Variants in C10orf67 observed in about 807,000 individuals in gnomAD.
C10orf67 encodes the protein chromosome 10 open reading frame 67.
A neutral mutation model predicts 35.6 loss-of-function variants in C10orf67; 60 were observed. The observed-to-expected ratio is 1.68, with a 90% CI of 1.37 to 2.09. C10orf67 has a LOEUF of 2.09. Among genes scored for constraint, C10orf67 ranks in the 30% most tolerant of loss-of-function variants. The pLI is 0.00. For missense variants in C10orf67, 474 were observed against 330.2 expected, an observed-to-expected ratio of 1.44 and a Z score of -3.38; for synonymous variants, 167 against 115.8, an observed-to-expected ratio of 1.44 and a Z score of -2.84.
chr10:23,212,823 G>C (rs907750278), intron 15 of C10orf67, among the ~76,000 whole-genome samples: 1 of 141,514 alleles, frequency 7.1e-6, no homozygotes, highest in Non-Finnish European at 1.5e-5. Flanking sequence ...GAGAGAGAGA[G>C]ACGTAAGCAT....
intron 10 of C10orf67, among the ~76,000 whole-genome samples, chr10:23,261,095 G>T (rs1842735743): frequency 6.6e-6 from 1 of 152,138 alleles, no homozygotes; most frequent in Admixed American, 6.5e-5. Flanking sequence ...TTCAGCCATT[G>T]GATTAACTGG....
chr10:23,224,035 AT>A (rs1841662760), intron 13 of C10orf67, among the ~76,000 whole-genome samples: 1 of 152,058 alleles, frequency 6.6e-6, no homozygotes, highest in South Asian at 2.1e-4. Flanking sequence ...TAAGAAAACG[AT>A]TTTCCTTAGT....
At chr10:23,304,723 C>T (rs1844208612) in intron 4 of C10orf67, among the ~76,000 whole-genome samples, 1 of 152,134 alleles carries the variant, frequency 6.6e-6, no homozygotes, top group African/African-American at 2.4e-5. Flanking sequence ...CAGGTACCAA[C>T]TCAGTAACCC....
intron 15 of C10orf67, among the ~76,000 whole-genome samples, chr10:23,221,859 A>C (rs1415409847): frequency 6.6e-6 from 1 of 152,200 alleles, no homozygotes; most frequent in African/African-American, 2.4e-5. Context: ...ATTAATAAGA[A>C]ATTTTTGTTA....
At chr10:23,303,895 G>A (rs975503068) in intron 4 of C10orf67, among the ~76,000 whole-genome samples, 1 of 152,212 alleles carries the variant, frequency 6.6e-6, no homozygotes, top group Non-Finnish European at 1.5e-5. Flanking sequence ...AGACTGAGGA[G>A]GGCTGTTTTG....
At chr10:23,335,886 C>T (rs976302498) in intron 1 of C10orf67, among the ~76,000 whole-genome samples, 8 of 152,156 alleles carry the variant, frequency 5.3e-5, no homozygotes, top group African/African-American at 1.9e-4. Context: ...TACCCTCAGC[C>T]TAGGATTAAG....
chr10:23,255,856 A>T (rs1842587025), intron 10 of C10orf67, among the ~76,000 whole-genome samples: 1 of 152,194 alleles, frequency 6.6e-6, no homozygotes. Flanking sequence ...CATCCTGTTG[A>T]CATAAAAATC....
In C10orf67 at chr10:23,266,322, T is replaced by G; in HGVS notation, c.1140A>C (p.Ser380=). ...LRPHSATMSV[S]SAGAQKAKMP... ...TTTTAGCTTTCTGGGCCCCAGCAGA[T>G]GATACACTCATGGTCGCAGAATGTG... The change falls in exon 10 of 16, where the codon TCA becomes TCC. Residue 380 remains serine, a synonymous_variant. Coordinates refer to ENST00000636213, the MANE Select transcript of C10orf67 (RefSeq NM_001371909.1). 1 of 398,670 alleles carries G rather than the reference T, an allele frequency of 2.5e-6. No individual in the cohort carries two copies. Among genetic ancestry groups the G allele is most frequent in the Non-Finnish European group, 4.4e-6 (1 of 226,116 alleles). 24.7% of individuals were successfully genotyped at this position (398,670 alleles called of 1,614,324 possible). A position where few individuals can be genotyped will look rare whatever the true frequency, so the allele number is the denominator to read the frequency against.
At position 23,323,954 on chromosome 10, in the gene C10orf67, C is replaced by T. The variant is rs201533743; in HGVS notation, c.328-1417G>A. Among the ~76,000 whole-genome samples the T allele has an allele frequency of 2.3e-3, 146 of 63,214 alleles. 1 individual carries two copies. Among genetic ancestry groups the T allele is most frequent in the South Asian group, 8.5e-3 (15 of 1,758 alleles). The allele number at this position is 63,214 out of a possible 152,430, so 41.5% of individuals were successfully genotyped here. A position where few individuals can be genotyped will look rare whatever the true frequency, so the allele number is the denominator to read the frequency against. ...ATATATATATATATATATATATATA[C>T]ACACACACACACATATGAGTTAAAA... On this transcript the variant is annotated intron_variant, in intron 2 of 15. Coordinates refer to ENST00000636213, the MANE Select transcript of C10orf67 (RefSeq NM_001371909.1).
At chr10:23,250,569 C>T (rs1842420662) in intron 11 of C10orf67, 43 bp downstream of exon 11, 1 of 398,558 alleles carries the variant, frequency 2.5e-6, no homozygotes, top group Non-Finnish European at 4.4e-6. Context: ...TACAAATGAA[C>T]ATTATATCTC....
At chr10:23,215,472 T>G (rs957486610) in intron 15 of C10orf67, among the ~76,000 whole-genome samples, 1 of 152,042 alleles carries the variant, frequency 6.6e-6, no homozygotes, top group African/African-American at 2.4e-5. Context: ...TTTTGTATTT[T>G]TAGTAGAGAT....
intron 5 of C10orf67, among the ~76,000 whole-genome samples, chr10:23,293,561 T>C (rs1349664064): frequency 2.6e-5 from 4 of 152,174 alleles, no homozygotes; most frequent in African/African-American, 9.7e-5. Context: ...AAAATGAGGT[T>C]AAGAAGGATG....
intron 5 of C10orf67, among the ~76,000 whole-genome samples, chr10:23,296,623 G>A (rs940149682): frequency 1.3e-5 from 2 of 152,124 alleles, no homozygotes; most frequent in South Asian, 2.1e-4. Context: ...ACTAGGGGTC[G>A]TGCAGTTGAG....
At chr10:23,309,373 C>T (rs577142309) in intron 4 of C10orf67, among the ~76,000 whole-genome samples, 1 of 152,146 alleles carries the variant, frequency 6.6e-6, no homozygotes, top group East Asian at 1.9e-4. Flanking sequence ...AAATAATGGA[C>T]ACTGGGGACT....
intron 8 of C10orf67, among the ~76,000 whole-genome samples, chr10:23,270,052 A>G (rs1274630978): frequency 6.6e-6 from 1 of 152,220 alleles, no homozygotes; most frequent in East Asian, 1.9e-4. Flanking sequence ...TATATGTAAT[A>G]CTGTCCCATG....
At chr10:23,336,655 C>G (rs923976488) in intron 1 of C10orf67, among the ~76,000 whole-genome samples, 5 of 152,276 alleles carry the variant, frequency 3.3e-5, no homozygotes, top group African/African-American at 1.2e-4. Context: ...GCTGGGATTA[C>G]AGGTGTGGAC....
At chr10:23,246,654 G>A (rs527667638) in intron 12 of C10orf67, among the ~76,000 whole-genome samples, 2 of 152,278 alleles carry the variant, frequency 1.3e-5, no homozygotes, top group East Asian at 1.9e-4. Context: ...AGATTATAAT[G>A]GAGCTGAAAA....
intron 12 of C10orf67, among the ~76,000 whole-genome samples, chr10:23,245,920 T>G (rs1361466320): frequency 6.6e-6 from 1 of 152,216 alleles, no homozygotes; most frequent in African/African-American, 2.4e-5. Context: ...ATTGCAGCAC[T>G]GTTCACAATA....
intron 10 of C10orf67, among the ~76,000 whole-genome samples, chr10:23,257,562 G>T (rs756811789): frequency 6.6e-6 from 1 of 152,120 alleles, no homozygotes; most frequent in Non-Finnish European, 1.5e-5. Flanking sequence ...CAGCACTTTG[G>T]GGGGCCAAGG....
Sources: allele counts gnomAD v4.1 joint callset (sites outside exome capture counted in the v4.1 genomes callset), GRCh38; gene constraint gnomAD v4.1.1; transcripts MANE v1.5; gene names NCBI Gene and HGNC (gene_info 2026-07-23, HGNC 2026-07-21).